Variants in MYH3 observed in about 807,000 individuals in gnomAD.
The protein encoded by MYH3 is myosin-3.
A neutral mutation model predicts 238.0 loss-of-function variants in MYH3; 130 were observed. The ratio of observed to expected loss-of-function variants is 0.55; its 90% confidence interval spans 0.47 to 0.63. MYH3 has a LOEUF of 0.63. Among genes scored for constraint, MYH3 ranks in the 30% least tolerant of loss-of-function variants. The pLI is 0.00. For synonymous variants in MYH3, 880 were observed against 924.1 expected (o/e 0.95, Z 0.86); for missense variants, 1,853 against 2,374.9 (o/e 0.78, Z 4.57).
rs1291264562 is a variant in MYH3 at position 10,637,173 on chromosome 17, C to T, written c.3856+636G>A. Among the ~76,000 whole-genome samples the T allele has an allele frequency of 3.9e-5, 6 of 151,902 alleles. No homozygotes were observed. In the East Asian group the frequency reaches 1.2e-3, roughly 30 times the overall value. ...CTCCTGGGTTCAAGCGATTCTCCTG[C>T]CTCAGCCTCCCAAGTAGCTGGGATT... is the stretch of plus-strand genomic sequence containing the variant. On this transcript the variant is annotated intron_variant, in intron 28 of 40. Coordinates refer to ENST00000583535, the MANE Select transcript of MYH3 (RefSeq NM_002470.4).
intron 2 of MYH3, 137 bp from the exon 3 acceptor site, chr17:10,655,209 T>A: frequency 1.4e-6 from 1 of 729,534 alleles, no homozygotes; most frequent in South Asian, 1.5e-5. Flanking sequence ...AACCAGGCTG[T>A]CCTCATGCCT....
chr17:10,675,187 G>A, the MYH3 span: 1 of 152,154 alleles, frequency 6.6e-6, no homozygotes, highest in Admixed American at 6.6e-5. Flanking sequence ...ACTGTCTCTG[G>A]GGCCTAAGTG....
At chr17:10,633,936 A>G in intron 32 of MYH3, 81 bp downstream of exon 32, 4 of 1,564,928 alleles carry the variant, frequency 2.6e-6, no homozygotes, top group Non-Finnish European at 3.5e-6. Context: ...AAACTGAGTG[A>G]TGAAGCCACA....
At chr17:10,650,642 T>C (rs1342763754) in intron 5 of MYH3, among the ~76,000 whole-genome samples, 8 of 152,244 alleles carry the variant, frequency 5.3e-5, no homozygotes, top group Admixed American at 5.2e-4. Flanking sequence ...TATATGTTTA[T>C]ATGGCAGAAT....
chr17:10,629,850 C>T lies in MYH3; in HGVS notation c.5650G>A (p.Glu1884Lys), dbSNP rs973494741. The T allele has an allele frequency of 1.2e-6, 2 of 1,614,146 alleles. No individual in the cohort carries two copies. Among genetic ancestry groups the T allele is most frequent in the African/African-American group, 2.7e-5 (2 of 75,048 alleles). Residue 1884 changes from glutamate (E) to lysine (K), a missense_variant, in exon 39 of 41, where the codon GAG becomes AAG. By Grantham distance (56) the Glu-to-Lys change is moderately conservative. This residue lies in a region of MYH3 where 1,044 missense variants were observed against 1,192.6 expected (regional missense o/e 0.88). Transcript: ENST00000583535. ...GCACCTATCTCACTTACAGCCTCCT[C>T]CGCCTGCCTCTTGTAGGACTTGACT... is the stretch of plus-strand genomic sequence containing the variant. ...VKVKSYKRQA[E>K]EADEQANAHL...
chr17:10,638,482 C>T (rs1372387683), intron 26 of MYH3, 50 bp from the exon 27 acceptor site: 3 of 1,597,840 alleles, frequency 1.9e-6, no homozygotes, highest in African/African-American at 1.3e-5. Context: ...ACCGCGGGGA[C>T]TCTGATTGCC....
Position 10,642,546 on chromosome 17 carries a change from C to T in MYH3, c.1759G>A (p.Val587Met), listed in dbSNP as rs765585804. 51 of 1,614,070 alleles carry T rather than the reference C, an allele frequency of 3.2e-5. No homozygotes were observed. The highest frequency in any genetic ancestry group is 1.6e-4 in the Middle Eastern group (1 of 6,084). Residue 587 changes from valine (V) to methionine (M), a missense_variant, in exon 16 of 41, where the codon GTG becomes ATG. Physicochemically the swap from Val to Met is conservative, Grantham distance 21. Around this residue, in one of 3 missense-constraint regions of MYH3, gnomAD observed 678 missense variants for 1,058.9 expected, o/e 0.64. Coordinates refer to ENST00000583535, the MANE Select transcript of MYH3 (RefSeq NM_002470.4). The surrounding 1 kb of genome is among the most constrained non-coding windows in gnomAD (Gnocchi z 5.4). Reference protein sequence around the residue: ...HFSLIHYAGTVDYSVSGWLEK... With the variant: ...HFSLIHYAGTMDYSVSGWLEK... ...AGCCAACCTGAGACACTGTAGTCCA[C>T]GGTGCCCGCATAGTGGATCAGTGAG... is the stretch of plus-strand genomic sequence containing the variant.
chr17:10,653,637 T>C (rs2074399992), intron 3 of MYH3, among the ~76,000 whole-genome samples: 2 of 152,128 alleles, frequency 1.3e-5, no homozygotes, highest in African/African-American at 2.4e-5. Context: ...GTGGGGAACT[T>C]GTCTTCCTCT....
At chr17:10,645,142 A>G (rs1388843149) in intron 12 of MYH3, among the ~76,000 whole-genome samples, 6 of 150,290 alleles carry the variant, frequency 4.0e-5, no homozygotes, top group African/African-American at 1.5e-4. Flanking sequence ...GGTTCAAGAA[A>G]CTCTCATGCC....
chr17:10,651,002 C>T (rs1055134869), intron 5 of MYH3, among the ~76,000 whole-genome samples: 5 of 152,012 alleles, frequency 3.3e-5, no homozygotes, highest in African/African-American at 1.2e-4. Flanking sequence ...GCCTGGCCAA[C>T]AAAGTGACCC....
intron 10 of MYH3, among the ~76,000 whole-genome samples, chr17:10,646,866 G>A (rs1218313263): frequency 6.6e-6 from 1 of 152,132 alleles, no homozygotes; most frequent in Non-Finnish European, 1.5e-5. Flanking sequence ...TGGGCAACAT[G>A]GTGAAACCTC....
intron 40 of MYH3, among the ~76,000 whole-genome samples, chr17:10,629,139 C>A (rs999982599): frequency 6.6e-6 from 1 of 152,110 alleles, no homozygotes; most frequent in Non-Finnish European, 1.5e-5. Flanking sequence ...TTAGGCCCCA[C>A]GTGCATTAGC....
intron 32 of MYH3, 34 bp from the exon 33 acceptor site, chr17:10,633,749 G>A (rs765208722): frequency 1.6e-5 from 26 of 1,612,634 alleles, no homozygotes; most frequent in African/African-American, 5.3e-5. Flanking sequence ...GCATATGAGC[G>A]CCTCTGCGTG....
chr17:10,657,665 C>A (rs2074447314), upstream of MYH3, among the ~76,000 whole-genome samples: 1 of 152,174 alleles, frequency 6.6e-6, no homozygotes, highest in Non-Finnish European at 1.5e-5. Flanking sequence ...AGCTATTGGG[C>A]ACCAAGGACT....
the MYH3 span, among the ~76,000 whole-genome samples, chr17:10,668,122 C>T: frequency 2.0e-5 from 3 of 152,210 alleles, no homozygotes; most frequent in Admixed American, 6.5e-5. Context: ...TGGCTGGGTG[C>T]GGCGGCTCAC....
Position 10,632,368 on chromosome 17 carries a change from C to T in MYH3, c.4956+108G>A, listed in dbSNP as rs933817331. 2.3e-6 allele frequency: 3 copies of T among 1,295,092 alleles called. No homozygotes were observed. In the African/African-American group the frequency reaches 4.3e-5, roughly 19 times the overall value. The allele number at this position is 1,295,092 out of a possible 1,614,324, so 80.2% of individuals were successfully genotyped here. ...TCCTGGGCTCAAGTGAGCCTCTTGC[C>T]TCAGTCTCCCAGAGCGCTGGGACTA... On this transcript the variant is annotated intron_variant, in intron 34 of 40. Transcript: ENST00000583535.
chr17:10,652,293 G>A, intron 4 of MYH3, 127 bp downstream of exon 4: 1 of 1,214,168 alleles, frequency 8.2e-7, no homozygotes, highest in Non-Finnish European at 1.2e-6. Context: ...CCGTCTTTGT[G>A]TTTTGTTCAT....
chr17:10,642,562 G>T lies in MYH3; in HGVS notation c.1743C>A (p.Ile581=). 1 of 1,614,208 alleles carries T rather than the reference G, an allele frequency of 6.2e-7. No individual in the cohort carries two copies. The highest frequency in any genetic ancestry group is 8.5e-7 in the Non-Finnish European group (1 of 1,180,036). ...TGTAGTCCACGGTGCCCGCATAGTG[G>T]ATCAGTGAGAAGTGAGCCTCGGCCC... The part of the protein sequence containing the change: ...KGRAEAHFSL[I]HYAGTVDYSV... The change falls in exon 16 of 41, where the codon ATC becomes ATA. Residue 581 remains isoleucine, a synonymous_variant. Transcript: ENST00000583535. This position sits in a 1 kb window ranked among gnomAD's most constrained non-coding sequence, Gnocchi z 5.4.
At chr17:10,672,532 G>A in the MYH3 span, 3 of 151,934 alleles carry the variant, frequency 2.0e-5, no homozygotes, top group South Asian at 2.1e-4. Context: ...TTTAAAGTGC[G>A]CAGTTCAGTG....
Sources: gnomAD v4.1 joint callset for allele counts (sites outside exome capture counted in the v4.1 genomes callset) on GRCh38, gnomAD v4.1.1 for gene constraint, gnomAD v4.1.1 regional missense constraint, Gnocchi (gnomAD v3.1) non-coding constraint, MANE v1.5 for transcripts, NCBI Gene and HGNC (gene_info 2026-07-23, HGNC 2026-07-21) for gene names.